RET: variants seen among roughly 807,000 people sequenced by gnomAD.
RET encodes the protein ret proto-oncogene, also known as proto-oncogene tyrosine-protein kinase receptor Ret.
Under a neutral mutation model 118.3 loss-of-function variants are expected in RET, and 19 were observed. The ratio of observed to expected loss-of-function variants is 0.16; its 90% CI spans 0.11 to 0.24. RET has a LOEUF of 0.24. Ranked by LOEUF, RET falls within the 10% of genes least tolerant of loss-of-function variation. RET has a pLI of 1.00. For missense variants in RET, 1,219 were observed against 1,502.1 expected, an observed-to-expected ratio of 0.81 and a Z score of 3.12; for synonymous variants, 597 against 644.1, an observed-to-expected ratio of 0.93 and a Z score of 1.11.
chr10:43,115,375 G>A (rs1347283235), intron 11 of RET, among the ~76,000 whole-genome samples: 1 of 152,188 alleles, frequency 6.6e-6, no homozygotes, highest in Non-Finnish European at 1.5e-5. Context: ...GGGATTCCTG[G>A]GAGGGGCCAT....
chr10:43,087,349 A>G (rs1473094382), intron 1 of RET, among the ~76,000 whole-genome samples: 4 of 152,138 alleles, frequency 2.6e-5, no homozygotes, highest in Non-Finnish European at 5.9e-5. Flanking sequence ...TTTTGGAAGA[A>G]CCAATTCTTA....
chr10:43,100,831 C>A, intron 2 of RET, 109 bp downstream of exon 2: 6 of 1,260,262 alleles, frequency 4.8e-6, no homozygotes. Context: ...CCCCCCACCG[C>A]TGGTGTGGAA....
intron 6 of RET, among the ~76,000 whole-genome samples, chr10:43,110,534 C>A (rs554493117): frequency 1.3e-5 from 2 of 152,286 alleles, no homozygotes; most frequent in South Asian, 4.1e-4. Context: ...TGCCTGACTC[C>A]AGGTCCTGGC....
intron 1 of RET, among the ~76,000 whole-genome samples, chr10:43,087,400 G>A (rs926910770): frequency 3.9e-5 from 6 of 152,228 alleles, no homozygotes; most frequent in African/African-American, 1.2e-4. Flanking sequence ...GATAACTGGT[G>A]TCACCAGGAC....
At chr10:43,104,783 T>C in intron 3 of RET, 169 bp from the exon 4 acceptor site, 1 of 1,026,530 alleles carries the variant, frequency 9.7e-7, no homozygotes, top group Non-Finnish European at 1.4e-6. Flanking sequence ...CGCTGCAAAC[T>C]GCAAACTCGT....
rs551906841 is a variant in RET, at chr10:43,106,588, G to A, written c.1063+17G>A. The A allele has an allele frequency of 9.9e-6, 16 of 1,611,306 alleles. No individual in the cohort carries two copies. In the South Asian group the frequency reaches 1.7e-4, roughly 17 times the overall value. On this transcript the variant is annotated intron_variant, in intron 5 of 19. Coordinates refer to ENST00000355710, the MANE Select transcript of RET (RefSeq NM_020975.6). This position sits in a 1 kb window ranked among gnomAD's most constrained non-coding sequence, Gnocchi z 5.1. Reference sequence around the variant, plus strand: ...ATGACTATAGTAAGAGGGGCTGGTGGCACGGCCTGGCTAGGCCCCCAGGAA... The same window carrying A: ...ATGACTATAGTAAGAGGGGCTGGTGACACGGCCTGGCTAGGCCCCCAGGAA...
chr10:43,090,916 G>A (rs1044463683), intron 1 of RET, among the ~76,000 whole-genome samples: 7 of 151,066 alleles, frequency 4.6e-5, no homozygotes, highest in African/African-American at 1.2e-4. Context: ...GTGCCTGGAT[G>A]CTGTGGTCTC....
At position 43,128,162 on chromosome 10, in the gene RET, G is replaced by A. The variant is rs751631684; in HGVS notation, c.3238G>A (p.Ala1080Thr). 1 of 1,614,194 alleles carries A rather than the reference G, an allele frequency of 6.2e-7. No homozygotes were observed. Among genetic ancestry groups the A allele is most frequent in the Admixed American group, 1.7e-5 (1 of 60,030 alleles). ...AGAGAGTCCTGTACCACTCACGAGA[G>A]CTGATGGCACTAACACTGGGTTTCC... is the stretch of plus-strand genomic sequence containing the variant. ...PGESPVPLTRADGTNTGFPRY... is the reference protein window; with the variant it reads ...PGESPVPLTRTDGTNTGFPRY... The change falls in exon 20 of 20, where the codon GCT (alanine) becomes ACT (threonine). Residue 1080 changes from alanine to threonine, a missense_variant. Physicochemically the swap from Ala to Thr is moderately conservative, Grantham distance 58. This residue lies in a region of RET where 174 missense variants were observed against 179.3 expected (regional missense o/e 0.97). Transcript: ENST00000355710.
chr10:43,078,760 C>T (rs1346214408), intron 1 of RET, among the ~76,000 whole-genome samples: 3 of 152,202 alleles, frequency 2.0e-5, no homozygotes, highest in African/African-American at 7.2e-5. Context: ...CTGTGGGGGC[C>T]AGGCTCTGGG....
rs1837523049 is a variant in RET at position 43,096,368 on chromosome 10, C to T, written c.74-4091C>T. Reference sequence around the variant, plus strand: ...GGCGCCTGGCTTCCACCATCACTTTCTTAGCTGTTATCCTAACCCCCGAGA... The same window carrying T: ...GGCGCCTGGCTTCCACCATCACTTTTTTAGCTGTTATCCTAACCCCCGAGA... On this transcript the variant is annotated intron_variant, in intron 1 of 19. Transcript: ENST00000355710. Among the ~76,000 whole-genome samples, 3 of 152,162 alleles carry T rather than the reference C, an allele frequency of 2.0e-5. No individual in the cohort carries two copies. The South Asian group carries it at 6.2e-4, about 32-fold the overall frequency.
At chr10:43,091,822 CAAAAA>C (rs60545334) in intron 1 of RET, among the ~76,000 whole-genome samples, 3 of 114,588 alleles carry the variant, frequency 2.6e-5, no homozygotes. Flanking sequence ...TGTCTACTAT[CAAAAA>C]AAAAAAAAAA....
At chr10:43,119,290 C>CGAGAAG (rs893290325) in intron 13 of RET, among the ~76,000 whole-genome samples, 1 of 152,190 alleles carries the variant, frequency 6.6e-6, no homozygotes, top group Admixed American at 6.5e-5. Context: ...TCAGGCACCT[C>CGAGAAG]GAGAAGGAGG....
intron 3 of RET, among the ~76,000 whole-genome samples, chr10:43,104,383 G>A (rs980557664): frequency 1.3e-5 from 2 of 152,138 alleles, no homozygotes; most frequent in African/African-American, 4.8e-5. Flanking sequence ...CGGGCATGGT[G>A]GCGGGCGCCT....
intron 12 of RET, 53 bp downstream of exon 12, chr10:43,116,784 G>T: frequency 3.1e-6 from 3 of 952,664 alleles, no homozygotes; most frequent in Middle Eastern, 3.1e-4. Flanking sequence ...GGGGCGGGGG[G>T]CGGGTGAGGC....
At chr10:43,101,883 G>A (rs1257002169) in intron 2 of RET, among the ~76,000 whole-genome samples, 1 of 152,230 alleles carries the variant, frequency 6.6e-6, no homozygotes, top group Non-Finnish European at 1.5e-5. Flanking sequence ...ATGGAGGCTG[G>A]GAAAGCCCTC....
rs192489011 is a variant in RET, at chr10:43,100,585, G to A, written c.200G>A (p.Arg67His). 646 of 1,613,870 alleles carry A rather than the reference G, an allele frequency of 4.0e-4. 6 individuals carry two copies. In the East Asian group the frequency reaches 8.4e-3, roughly 21 times the overall value. The change falls in exon 2 of 20, where the codon CGC (arginine) becomes CAC (histidine). Residue 67 changes from arginine to histidine, a missense_variant. Arg to His is a conservative substitution (Grantham distance 29). Around this residue, in one of 5 missense-constraint regions of RET, gnomAD observed 84 missense variants for 163.6 expected, o/e 0.51. Transcript: ENST00000355710. ...RDAPEEVPSF[R>H]LGQHLYGTYR... ...GCCCCTGAGGAGGTGCCCAGCTTCC[G>A]CCTGGGCCAGCATCTCTACGGCACG...
intron 1 of RET, among the ~76,000 whole-genome samples, chr10:43,092,753 G>A (rs939944821): frequency 6.6e-6 from 1 of 152,188 alleles, no homozygotes; most frequent in African/African-American, 2.4e-5. Context: ...GAAAAGGAGT[G>A]GTTTTGTCCT....
chr10:43,077,106 G>A lies in RET; in HGVS notation c.-153G>A, dbSNP rs1052756486. 1 of 1,140,402 alleles carries A rather than the reference G, an allele frequency of 8.8e-7. No individual in the cohort carries two copies. Among genetic ancestry groups the A allele is most frequent in the Non-Finnish European group, 1.1e-6 (1 of 887,578 alleles). The allele number at this position is 1,140,402 out of a possible 1,614,324, so 70.6% of individuals were successfully genotyped here. ...GAAGCAGGGCGCGCAGCAGCGCTGA[G>A]TGCCCCGGAACGTGCGTCGCGCCCC... On this transcript the variant is annotated 5_prime_UTR_variant, in exon 1 of 20. The change creates a new upstream start codon in the 5' untranslated region. Transcript: ENST00000355710.
At chr10:43,115,268 C>T (rs1017046442) in intron 11 of RET, among the ~76,000 whole-genome samples, 3 of 152,184 alleles carry the variant, frequency 2.0e-5, no homozygotes, top group South Asian at 2.1e-4. Flanking sequence ...CTTATGGTGG[C>T]GTGAATAGCT....
Sources: allele counts gnomAD v4.1 joint callset (sites outside exome capture counted in the v4.1 genomes callset), GRCh38; gene constraint gnomAD v4.1.1; regional missense constraint gnomAD v4.1.1; non-coding constraint Gnocchi (gnomAD v3.1); transcripts MANE v1.5; gene names NCBI Gene and HGNC (gene_info 2026-07-23, HGNC 2026-07-21).